The following HS6ST1 variants were observed in gnomAD, a reference collection of about 807,000 sequenced individuals.
HS6ST1 encodes the protein heparan sulfate 6-O-sulfotransferase 1, also known as heparan-sulfate 6-O-sulfotransferase 1.
HS6ST1 carries 3 observed loss-of-function variants against 25.2 expected under a neutral mutation model. The observed-to-expected ratio is 0.12, with a 90% confidence interval of 0.05 to 0.31. The LOEUF (loss-of-function observed/expected upper bound fraction) is 0.31. HS6ST1 is among the 10% of genes least tolerant of loss of function. The probability of loss-of-function intolerance (pLI) is 1.00; values close to 1 mark genes in which losing one functional copy is unlikely to be tolerated. For missense variants in HS6ST1, 310 were observed against 609.6 expected (o/e 0.51, Z 5.18); for synonymous variants, 204 against 275.1 (o/e 0.74, Z 2.56).
At chr2:128,278,452 A>G (rs1693729458) in intron 1 of HS6ST1, among the ~76,000 whole-genome samples, 1 of 152,070 alleles carries the variant, frequency 6.6e-6, no homozygotes, top group Non-Finnish European at 1.5e-5. Flanking sequence ...TGGTGCAGTA[A>G]CTCCACCTCT....
intron 1 of HS6ST1, among the ~76,000 whole-genome samples, chr2:128,315,816 G>A (rs1390074432): frequency 1.3e-5 from 2 of 152,230 alleles, no homozygotes; most frequent in Non-Finnish European, 2.9e-5. Context: ...TTGGCCTCCT[G>A]ATGAAGCTCA....
At chr2:128,288,873 C>T (rs1553456585) in intron 1 of HS6ST1, among the ~76,000 whole-genome samples, 1 of 151,844 alleles carries the variant, frequency 6.6e-6, no homozygotes, top group Non-Finnish European at 1.5e-5. Context: ...TGGGGGTGTC[C>T]CTGGGACCCC....
At chr2:128,298,545 T>C (rs1321875206) in intron 1 of HS6ST1, among the ~76,000 whole-genome samples, 2 of 152,216 alleles carry the variant, frequency 1.3e-5, no homozygotes, top group Non-Finnish European at 2.9e-5. Flanking sequence ...AAAGACATTA[T>C]GCTAAGCCAG....
At chr2:128,317,775 T>C (rs1694395886) in intron 1 of HS6ST1, among the ~76,000 whole-genome samples, 1 of 152,096 alleles carries the variant, frequency 6.6e-6, no homozygotes, top group Non-Finnish European at 1.5e-5. Flanking sequence ...ACCCGGGCGC[T>C]GCGCAGTCAA....
intron 1 of HS6ST1, among the ~76,000 whole-genome samples, chr2:128,316,707 G>C (rs1694369150): frequency 6.6e-6 from 1 of 151,410 alleles, no homozygotes; most frequent in Admixed American, 6.6e-5. Flanking sequence ...GTGTGTGTGT[G>C]GGTGTGTGTG....
rs182345016 is a variant in HS6ST1 at position 128,297,662 on chromosome 2, C to T, written c.527+20375G>A. On this transcript the variant is annotated intron_variant, in intron 1 of 1. Transcript: ENST00000259241. ...CAGCCTGACCAACATGGAGAAACCC[C>T]GTCTCTACTAAAAATACAGAAATTA... Among the ~76,000 whole-genome samples, 583 of 152,252 alleles carry T rather than the reference C, an allele frequency of 3.8e-3. 2 individuals are homozygous for T. Among genetic ancestry groups the T allele is most frequent in the South Asian group, 0.012 (56 of 4,824 alleles).
chr2:128,280,425 C>T (rs1431833818), intron 1 of HS6ST1, among the ~76,000 whole-genome samples: 2 of 152,304 alleles, frequency 1.3e-5, no homozygotes, highest in East Asian at 3.9e-4. Context: ...GGAGACGACC[C>T]GCTCCCAGGA....
intron 1 of HS6ST1, among the ~76,000 whole-genome samples, chr2:128,313,152 T>C (rs533413036): frequency 6.6e-5 from 10 of 151,668 alleles, no homozygotes; most frequent in African/African-American, 2.4e-4. Context: ...ATACCAGGAG[T>C]GGGTGTTCTG....
intron 1 of HS6ST1, among the ~76,000 whole-genome samples, chr2:128,281,763 G>A (rs1024215900): frequency 2.6e-5 from 4 of 152,366 alleles, no homozygotes; most frequent in Middle Eastern, 3.4e-3. Flanking sequence ...ATGACAGGGT[G>A]GGCTCCCGGG....
intron 1 of HS6ST1, among the ~76,000 whole-genome samples, chr2:128,308,202 G>T (rs1694239562): frequency 6.6e-6 from 1 of 152,226 alleles, no homozygotes; most frequent in African/African-American, 2.4e-5. Flanking sequence ...CTGCAGGGAG[G>T]CAGGGGTGGG....
At chr2:128,294,745 C>T (rs1342911255) in intron 1 of HS6ST1, among the ~76,000 whole-genome samples, 1 of 151,546 alleles carries the variant, frequency 6.6e-6, no homozygotes, top group Non-Finnish European at 1.5e-5. Context: ...GTCTTCGGAC[C>T]ACCCTCCCAC....
Position 128,268,657 on chromosome 2 carries a change from G to A in HS6ST1, c.741C>T (p.Asn247=), listed in dbSNP as rs760183803. 5.0e-6 allele frequency: 8 copies of A among 1,610,552 alleles called. No homozygotes were observed. In the South Asian group the frequency reaches 8.8e-5, roughly 18 times the overall value. Reference sequence around the variant, plus strand: ...CGGCCAGCATGCGCACCTGGCGGTTGTTGGCCAGGTTGTACGGGCAGTCCA... The same window carrying A: ...CGGCCAGCATGCGCACCTGGCGGTTATTGGCCAGGTTGTACGGGCAGTCCA... ...EFMDCPYNLA[N]NRQVRMLADL... is the part of the protein sequence containing the mutation. Residue 247 remains asparagine, a synonymous_variant, in exon 2 of 2, where the codon AAC becomes AAT. Coordinates refer to ENST00000259241, the MANE Select transcript of HS6ST1 (RefSeq NM_004807.3).
At chr2:128,307,156 G>A (rs1694225845) in intron 1 of HS6ST1, among the ~76,000 whole-genome samples, 1 of 152,128 alleles carries the variant, frequency 6.6e-6, no homozygotes, top group African/African-American at 2.4e-5. Context: ...CGCTGTGAGG[G>A]GCCCTGGCAC....
In HS6ST1 at chr2:128,302,738, G is replaced by A. The variant is rs572798653; in HGVS notation, c.527+15299C>T. On this transcript the variant is annotated intron_variant, in intron 1 of 1. Transcript: ENST00000259241. ...TTCCTGATTCAGGCCCAGCCCTTGA[G>A]GCTAGGTCTCCCATTGTGGCTAGGT... 9.8e-5 allele frequency among the ~76,000 whole-genome samples: 15 copies of A among 152,348 alleles called. No individual in the cohort carries two copies. In the South Asian group the frequency reaches 3.1e-3, roughly 32 times the overall value.
At chr2:128,287,881 C>T (rs368796628) in intron 1 of HS6ST1, among the ~76,000 whole-genome samples, 10 of 152,226 alleles carry the variant, frequency 6.6e-5, no homozygotes, top group East Asian at 5.8e-4. Context: ...GAGGGCCCTG[C>T]GGGGCTGCTC....
At chr2:128,303,954 G>A (rs1435972018) in intron 1 of HS6ST1, among the ~76,000 whole-genome samples, 1 of 152,230 alleles carries the variant, frequency 6.6e-6, no homozygotes, top group Non-Finnish European at 1.5e-5. Context: ...GAACAGGAAG[G>A]TGGAGGAAGG....
At chr2:128,271,944 GC>G (rs951371180) in intron 1 of HS6ST1, among the ~76,000 whole-genome samples, 13 of 152,192 alleles carry the variant, frequency 8.5e-5, no homozygotes, top group African/African-American at 2.7e-4. Flanking sequence ...TGGAGGTGAA[GC>G]CGGCACCTTG....
intron 1 of HS6ST1, among the ~76,000 whole-genome samples, chr2:128,272,443 C>T (rs180759475): frequency 2.6e-5 from 4 of 152,302 alleles, no homozygotes; most frequent in East Asian, 3.9e-4. Context: ...CACAGTGGGC[C>T]GGCTCTAGTA....
Position 128,268,819 on chromosome 2 carries a change from G to A in HS6ST1, c.579C>T (p.Ser193=), listed in dbSNP as rs759228274. ...LLRDPVSRYL[S]EWRHVQRGAT... is the part of the protein sequence containing the mutation. ...CACCCCTCTGCACATGCCGCCACTC[G>A]CTCAGGTAGCGGGACACGGGGTCTC... is the stretch of plus-strand genomic sequence containing the variant. Residue 193 remains serine, a synonymous_variant, in exon 2 of 2, where the codon AGC becomes AGT. Transcript: ENST00000259241. 5.2e-5 allele frequency: 84 copies of A among 1,612,488 alleles called. No individual in the cohort carries two copies. Among genetic ancestry groups the A allele is most frequent in the South Asian group, 2.1e-4 (19 of 91,082 alleles).
Sources: gnomAD v4.1 joint callset for allele counts (sites outside exome capture counted in the v4.1 genomes callset) on GRCh38, gnomAD v4.1.1 for gene constraint, MANE v1.5 for transcripts, NCBI Gene and HGNC (gene_info 2026-07-23, HGNC 2026-07-21) for gene names.